The following TF variants were observed in gnomAD, a reference collection of about 807,000 sequenced individuals.
TF encodes the protein serotransferrin.
TF carries 55 observed loss-of-function variants against 82.4 expected under a neutral mutation model. That is an observed-to-expected ratio of 0.67 (90% confidence interval 0.54 to 0.84). TF has a LOEUF of 0.84. TF is among the 40% of genes least tolerant of loss of function. TF has a pLI of 0.00. For synonymous variants in TF, 332 were observed against 332.6 expected (o/e 1.00, Z 0.02); for missense variants, 737 against 868.4 (o/e 0.85, Z 1.90).
the TF span, among the ~76,000 whole-genome samples, chr3:133,723,848 T>A: frequency 6.6e-6 from 1 of 151,892 alleles, no homozygotes; most frequent in Non-Finnish European, 1.5e-5. Flanking sequence ...ATGTTCCCCT[T>A]CCTGTGTCCA....
the TF span, among the ~76,000 whole-genome samples, chr3:133,674,348 C>T: frequency 6.6e-6 from 1 of 152,200 alleles, no homozygotes; most frequent in Admixed American, 6.5e-5. Flanking sequence ...GGGGTGCTGC[C>T]CCCTTCCCCG....
the TF span, among the ~76,000 whole-genome samples, chr3:133,711,020 A>ATGG: frequency 6.6e-6 from 1 of 152,230 alleles, no homozygotes; most frequent in Non-Finnish European, 1.5e-5. Flanking sequence ...ATGACCTCTC[A>ATGG]GCAGCATTTC....
the TF span, among the ~76,000 whole-genome samples, chr3:133,682,119 A>G: frequency 2.2e-4 from 34 of 152,326 alleles, no homozygotes; most frequent in East Asian, 4.3e-3. Flanking sequence ...GCAAACTCCA[A>G]TGGACCTGCA....
the TF span, among the ~76,000 whole-genome samples, chr3:133,729,813 C>T: frequency 8.5e-4 from 130 of 152,236 alleles, no homozygotes; most frequent in Non-Finnish European, 1.7e-3. Flanking sequence ...TCCTCCCCCC[C>T]GTTTGGTTCT....
At chr3:133,683,417 T>G in the TF span, among the ~76,000 whole-genome samples, 6 of 151,374 alleles carry the variant, frequency 4.0e-5, no homozygotes, top group Admixed American at 2.0e-4. Context: ...GCAAATTGGA[T>G]GAGTCAAGAC....
At chr3:133,764,503 G>C (rs541721156) in intron 10 of TF, among the ~76,000 whole-genome samples, 1 of 152,278 alleles carries the variant, frequency 6.6e-6, no homozygotes, top group African/African-American at 2.4e-5. Context: ...TCTGCACTGG[G>C]AAGTCCTCAC....
At chr3:133,741,404 A>C (rs149055034), upstream of TF, among the ~76,000 whole-genome samples, 612 of 152,222 alleles carry the variant, frequency 4.0e-3, 4 homozygotes, top group African/African-American at 0.014. Context: ...CCTTTTACTT[A>C]CTATTTCTTT....
At chr3:133,751,319 G>A (rs549036420) in intron 2 of TF, among the ~76,000 whole-genome samples, 6 of 142,610 alleles carry the variant, frequency 4.2e-5, no homozygotes, top group South Asian at 2.3e-4. Context: ...TGCAAGCTCC[G>A]CCTCCCGGGT....
intron 13 of TF, 91 bp from the exon 14 acceptor site, chr3:133,770,417 G>A (rs564041927): frequency 2.6e-6 from 3 of 1,169,446 alleles, no homozygotes; most frequent in East Asian, 2.3e-5. Context: ...TTTTCAGATG[G>A]CTGTCCTGAA....
the TF span, among the ~76,000 whole-genome samples, chr3:133,685,407 A>C: frequency 6.6e-6 from 1 of 152,230 alleles, no homozygotes; most frequent in Non-Finnish European, 1.5e-5. Flanking sequence ...AGAGGAAGTC[A>C]AATTCTCCCT....
chr3:133,754,504 C>A lies in TF; in HGVS notation c.335C>A (p.Thr112Asn). 6.2e-7 allele frequency: 1 copy of A among 1,614,184 alleles called. No individual in the cohort carries two copies. ...CACTGTGCCTTTGCAGATCCACAGA[C>A]TTTCTATTATGCTGTTGCTGTGGTG... ...EFYGSKEDPQ[T>N]FYYAVAVVKK... The change falls in exon 4 of 17, where the codon ACT becomes AAT. Residue 112 changes from threonine to asparagine, a missense_variant. Coordinates refer to ENST00000402696, the MANE Select transcript of TF (RefSeq NM_001063.4).
the TF span, among the ~76,000 whole-genome samples, chr3:133,700,471 G>A: frequency 4.6e-5 from 7 of 152,246 alleles, no homozygotes; most frequent in African/African-American, 1.7e-4. Context: ...CAGGCTTGGC[G>A]TGGGGAGAAG....
At chr3:133,694,758 T>G in the TF span, among the ~76,000 whole-genome samples, 1 of 152,236 alleles carries the variant, frequency 6.6e-6, no homozygotes, top group Non-Finnish European at 1.5e-5. Flanking sequence ...TTGCAGGCAC[T>G]TCTGCACACT....
At chr3:133,740,802 T>C in the TF span, among the ~76,000 whole-genome samples, 1 of 152,086 alleles carries the variant, frequency 6.6e-6, no homozygotes, top group African/African-American at 2.4e-5. Context: ...TCCATTTACT[T>C]TGAGTTTCTT....
At chr3:133,758,844 T>G (rs1245635230) in intron 8 of TF, among the ~76,000 whole-genome samples, 1 of 151,896 alleles carries the variant, frequency 6.6e-6, no homozygotes, top group Non-Finnish European at 1.5e-5. Context: ...AACCTGACAA[T>G]AAACAATGAA....
At chr3:133,739,938 A>T in the TF span, among the ~76,000 whole-genome samples, 1 of 152,230 alleles carries the variant, frequency 6.6e-6, no homozygotes, top group Non-Finnish European at 1.5e-5. Flanking sequence ...TTCCTCAAGG[A>T]TCTAGAACCA....
rs945385583 is a variant in TF at position 133,767,853 on chromosome 3, T to G, written c.1487-176T>G. Among the ~76,000 whole-genome samples, 5 of 152,206 alleles carry G rather than the reference T, an allele frequency of 3.3e-5. No individual in the cohort carries two copies. The East Asian group carries it at 5.8e-4, about 18-fold the overall frequency. ...TGGTCATTAACTCCTTTTCCCAATC[T>G]CAATAGGTTCCCCTTTAAAGCCTAT... On this transcript the variant is annotated intron_variant, in intron 12 of 16. Transcript: ENST00000402696.
chr3:133,741,113 T>G (rs1010934714), upstream of TF, among the ~76,000 whole-genome samples: 1 of 149,210 alleles, frequency 6.7e-6, no homozygotes, highest in African/African-American at 2.5e-5. Flanking sequence ...CACCTCAGCC[T>G]CCTGAGTAGC....
chr3:133,694,653 CT>C, the TF span, among the ~76,000 whole-genome samples: 17 of 152,316 alleles, frequency 1.1e-4, no homozygotes, highest in East Asian at 3.1e-3. Flanking sequence ...CAGGTCTGGG[CT>C]TTTGGCAGGG....
Sources: gnomAD v4.1 joint callset for allele counts (sites outside exome capture counted in the v4.1 genomes callset) on GRCh38, gnomAD v4.1.1 for gene constraint, MANE v1.5 for transcripts, NCBI Gene and HGNC (gene_info 2026-07-23, HGNC 2026-07-21) for gene names.